BICRAL: variants seen among roughly 807,000 people sequenced by gnomAD.
The protein encoded by BICRAL is BRD4-interacting chromatin-remodeling complex-associated protein-like.
In BICRAL, 8 loss-of-function variants were observed where a neutral mutation model predicts 91.8. The observed-to-expected ratio is 0.09, with a 90% CI of 0.05 to 0.16. The LOEUF is 0.16. BICRAL is among the 10% of genes least tolerant of loss of function. BICRAL has a pLI of 1.00. For missense variants in BICRAL, 1,038 were observed against 1,310.9 expected, an observed-to-expected ratio of 0.79 and a Z score of 3.21; for synonymous variants, 445 against 491.1, an observed-to-expected ratio of 0.91 and a Z score of 1.24.
chr6:42,826,793 G>GT (rs11422654), intron 5 of BICRAL, among the ~76,000 whole-genome samples: 12,221 of 146,268 alleles, frequency 0.084, 832 homozygotes, highest in African/African-American at 0.2. Flanking sequence ...TTGTTTGTTT[G>GT]TTTTTTTTTT....
intron 1 of BICRAL, among the ~76,000 whole-genome samples, chr6:42,787,403 T>C (rs1582817482): frequency 6.6e-6 from 1 of 151,974 alleles, no homozygotes; most frequent in East Asian, 1.9e-4. Context: ...AGACTGGACA[T>C]AAATTTTGGG....
rs766290946 is a variant in BICRAL, at chr6:42,830,090, G to A, written c.1757G>A (p.Arg586His). The A allele has an allele frequency of 1.4e-5, 22 of 1,613,978 alleles. No homozygotes were observed. The highest frequency in any genetic ancestry group is 3.3e-5 in the Admixed American group (2 of 59,984). ...RTPVPVSVSH[R>H]LPVSSSKSTS... ...CCAGTACCAGTCAGTGTGTCTCATC[G>A]TCTTCCAGTTTCTTCTTCCAAGTCT... The change falls in exon 6 of 13, where the codon CGT (arginine) becomes CAT (histidine). Residue 586 changes from arginine to histidine, a missense_variant. Arg to His is a conservative substitution (Grantham distance 29). Coordinates refer to ENST00000314073, the MANE Select transcript of BICRAL (RefSeq NM_001393499.1).
chr6:42,808,088 C>G (rs1763759864), intron 1 of BICRAL, among the ~76,000 whole-genome samples: 1 of 150,846 alleles, frequency 6.6e-6, no homozygotes, highest in South Asian at 2.1e-4. Context: ...GATATGAAGA[C>G]AAATATGATG....
At chr6:42,766,376 C>G (rs1355754130) in intron 1 of BICRAL, among the ~76,000 whole-genome samples, 1 of 151,612 alleles carries the variant, frequency 6.6e-6, no homozygotes, top group Non-Finnish European at 1.5e-5. Flanking sequence ...TGTGTAGATG[C>G]TGACTCTTTT....
intron 1 of BICRAL, among the ~76,000 whole-genome samples, chr6:42,801,213 T>G (rs1306785382): frequency 6.9e-6 from 1 of 144,234 alleles, no homozygotes; most frequent in South Asian, 2.1e-4. Flanking sequence ...ATCAAGCCAC[T>G]GCACTCCAGC....
At chr6:42,863,095 G>A (rs1215263751) in intron 12 of BICRAL, among the ~76,000 whole-genome samples, 2 of 149,512 alleles carry the variant, frequency 1.3e-5, no homozygotes, top group African/African-American at 4.9e-5. Flanking sequence ...TGTCGCCCAG[G>A]CTGGAGTTCA....
chr6:42,770,414 T>TA (rs200926824), intron 1 of BICRAL, among the ~76,000 whole-genome samples: 1,539 of 79,548 alleles, frequency 0.019, 8 homozygotes, highest in Non-Finnish European at 0.024. Flanking sequence ...TTATTATTAT[T>TA]TTTTTTTTTT....
chr6:42,862,771 T>G (rs1765593477), intron 12 of BICRAL, among the ~76,000 whole-genome samples, 159 bp downstream of exon 12: 1 of 152,204 alleles, frequency 6.6e-6, no homozygotes, highest in African/African-American at 2.4e-5. Context: ...TAATCCCATC[T>G]ACTTCCTTCT....
intron 1 of BICRAL, among the ~76,000 whole-genome samples, chr6:42,765,129 G>GC (rs1430606204): frequency 4.6e-5 from 7 of 152,196 alleles, no homozygotes. Context: ...GAAATGTCTT[G>GC]TCAAGTGAGA....
rs928828566 is a variant in BICRAL, at chr6:42,866,110, G to A, written c.*664G>A. On this transcript the variant is annotated 3_prime_UTR_variant, in exon 13 of 13. Transcript: ENST00000314073. ...CAGGGCTTCCCTATTGATGGTTCAA[G>A]TGCTTTTCTGATGCTTCCGGAGCAA... 6.6e-6 allele frequency: 1 copy of A among 152,326 alleles called. No individual in the cohort carries two copies. The highest frequency in any genetic ancestry group is 1.5e-5 in the Non-Finnish European group (1 of 68,218). 9.4% of individuals were successfully genotyped at this position (152,326 alleles called of 1,614,324 possible). A position where few individuals can be genotyped will look rare whatever the true frequency, so the allele number is the denominator to read the frequency against.
At position 42,829,473 on chromosome 6, in the gene BICRAL, C is replaced by T. The variant is rs1210564559; in HGVS notation, c.1140C>T (p.Ser380=). The part of the protein sequence containing the change: ...RKPVTSQAVS[S]TGGSIVIHSP... ...CAGTCACCTCACAGGCAGTGAGCAG[C>T]ACTGGGGGCAGTATTGTTATTCATT... The change falls in exon 6 of 13, where the codon AGC becomes AGT. Residue 380 remains serine, a synonymous_variant. Transcript: ENST00000314073. 9 of 1,614,066 alleles carry T rather than the reference C, an allele frequency of 5.6e-6. No individual in the cohort carries two copies. Among genetic ancestry groups the T allele is most frequent in the Non-Finnish European group, 6.8e-6 (8 of 1,180,048 alleles).
chr6:42,839,003 C>G (rs1764714120), intron 6 of BICRAL, among the ~76,000 whole-genome samples: 2 of 151,796 alleles, frequency 1.3e-5, no homozygotes, highest in South Asian at 4.2e-4. Context: ...AGTTCAAGAC[C>G]AGCCTGGTCA....
intron 1 of BICRAL, among the ~76,000 whole-genome samples, chr6:42,795,414 G>A (rs1763392691): frequency 6.6e-6 from 1 of 152,164 alleles, no homozygotes; most frequent in Non-Finnish European, 1.5e-5. Context: ...CTGGGCAACA[G>A]AGAGCAAGAC....
At chr6:42,793,497 T>G (rs1763336751) in intron 1 of BICRAL, among the ~76,000 whole-genome samples, 1 of 150,770 alleles carries the variant, frequency 6.6e-6, no homozygotes, top group South Asian at 2.1e-4. Context: ...ACCAGTTGGC[T>G]AGTCTGGTCT....
At chr6:42,798,358 A>G (rs1763472140) in intron 1 of BICRAL, among the ~76,000 whole-genome samples, 1 of 151,138 alleles carries the variant, frequency 6.6e-6, no homozygotes, top group East Asian at 1.9e-4. Flanking sequence ...AATCTAAAAA[A>G]GAGTCACATA....
rs749524237 is a variant in BICRAL, at chr6:42,853,661, A to G, written c.1969A>G (p.Ile657Val). The G allele has an allele frequency of 6.8e-6, 11 of 1,613,692 alleles. No individual in the cohort carries two copies. The highest frequency in any genetic ancestry group is 2.7e-5 in the African/African-American group (2 of 74,940). The change falls in exon 8 of 13, where the codon ATA becomes GTA. Residue 657 changes from isoleucine (I) to valine (V), a missense_variant. Physicochemically the swap from Ile to Val is conservative, Grantham distance 29. Around this residue, in one of 5 missense-constraint regions of BICRAL, gnomAD observed 532 missense variants for 724.9 expected, o/e 0.73. Transcript: ENST00000314073. ...LPGQDSGSKV[I>V]SASLGTAQPQ... is the part of the protein sequence containing the mutation. Reference sequence around the variant, plus strand: ...AGGGCAGGATTCTGGAAGCAAAGTTATATCCGCATCCTTAGGAACCGCACA... The same window carrying G: ...AGGGCAGGATTCTGGAAGCAAAGTTGTATCCGCATCCTTAGGAACCGCACA...
chr6:42,748,317 G>A (rs556475600), intron 1 of BICRAL, among the ~76,000 whole-genome samples: 2 of 152,236 alleles, frequency 1.3e-5, no homozygotes, highest in Non-Finnish European at 2.9e-5. Flanking sequence ...AGTTTTTCAG[G>A]TTGAACCTGT....
chr6:42,767,372 A>G (rs944173535), intron 1 of BICRAL, among the ~76,000 whole-genome samples: 7 of 152,210 alleles, frequency 4.6e-5, no homozygotes, highest in Admixed American at 6.5e-5. Context: ...GTAAAAGGCT[A>G]GGCTGAGATT....
rs146522504 is a variant in BICRAL at position 42,809,110 on chromosome 6, C to G, written c.-101-1196C>G. On this transcript the variant is annotated intron_variant, in intron 1 of 12. Transcript: ENST00000314073. ...GCCTCCCCTAGCCCCCGGCACCCCC[C>G]CCAACAGGCCCCGGTGTGTGATGTT... 4.5e-3 allele frequency among the ~76,000 whole-genome samples: 685 copies of G among 151,716 alleles called. 5 individuals are homozygous for G. Among genetic ancestry groups the G allele is most frequent in the African/African-American group, 0.016 (650 of 41,352 alleles).
Sources: allele counts gnomAD v4.1 joint callset (sites outside exome capture counted in the v4.1 genomes callset), GRCh38; gene constraint gnomAD v4.1.1; regional missense constraint gnomAD v4.1.1; transcripts MANE v1.5; gene names NCBI Gene and HGNC (gene_info 2026-07-23, HGNC 2026-07-21).